Variants in STIM1 observed in about 807,000 individuals in gnomAD.
The protein encoded by STIM1 is stromal interaction molecule 1.
Under a neutral mutation model 74.7 loss-of-function variants are expected in STIM1, and 25 were observed. The observed-to-expected ratio is 0.33, with a 90% confidence interval of 0.24 to 0.47. The LOEUF is 0.47. Among genes scored for constraint, STIM1 ranks in the 20% least tolerant of loss-of-function variants. The probability of loss-of-function intolerance (pLI) is 1.00; values close to 1 mark genes in which losing one functional copy is unlikely to be tolerated. For synonymous variants in STIM1, 328 were observed against 348.8 expected (o/e 0.94, Z 0.66); for missense variants, 728 against 920.8 (o/e 0.79, Z 2.71).
intron 5 of STIM1, among the ~76,000 whole-genome samples, chr11:4,067,625 C>T (rs1440104622): frequency 2.0e-5 from 3 of 152,210 alleles, no homozygotes; most frequent in African/African-American, 7.2e-5. Flanking sequence ...TTAAACCCAG[C>T]TCTAGCAAGT....
At chr11:3,975,797 G>A (rs954403173) in intron 2 of STIM1, among the ~76,000 whole-genome samples, 1 of 152,120 alleles carries the variant, frequency 6.6e-6, no homozygotes, top group Non-Finnish European at 1.5e-5. Context: ...CCATAATGAG[G>A]TATCACCACA....
At chr11:3,959,408 T>G (rs11030404) in intron 1 of STIM1, among the ~76,000 whole-genome samples, 1 of 151,950 alleles carries the variant, frequency 6.6e-6, no homozygotes, top group Non-Finnish European at 1.5e-5. Flanking sequence ...TTGGGAGATA[T>G]GGTTTTTTAA....
At chr11:3,865,502 T>G (rs948246565) in intron 1 of STIM1, among the ~76,000 whole-genome samples, 2 of 152,224 alleles carry the variant, frequency 1.3e-5, no homozygotes, top group African/African-American at 4.8e-5. Context: ...AAATGTCAAG[T>G]GCTGCTTCTT....
At chr11:3,952,904 C>A (rs2093166606) in intron 1 of STIM1, among the ~76,000 whole-genome samples, 1 of 152,184 alleles carries the variant, frequency 6.6e-6, no homozygotes, top group South Asian at 2.1e-4. Context: ...CAAAGGGTAT[C>A]ATAACAGTTG....
chr11:4,011,496 T>C (rs2093835716), intron 2 of STIM1, among the ~76,000 whole-genome samples: 2 of 152,242 alleles, frequency 1.3e-5, no homozygotes, highest in African/African-American at 2.4e-5. Flanking sequence ...CATTTTTTCA[T>C]GTGTCTGTTG....
intron 5 of STIM1, among the ~76,000 whole-genome samples, chr11:4,065,249 T>C (rs1227245700): frequency 6.6e-6 from 1 of 152,178 alleles, no homozygotes; most frequent in Non-Finnish European, 1.5e-5. Flanking sequence ...TCTTCCTTCT[T>C]CATTGGCTCA....
chr11:3,935,836 C>A (rs143429059), intron 1 of STIM1, among the ~76,000 whole-genome samples: 339 of 152,338 alleles, frequency 2.2e-3, no homozygotes, highest in Non-Finnish European at 3.3e-3. Context: ...TAGCAGCAAT[C>A]ACAAGACAGA....
At chr11:4,062,385 T>G (rs1426389525) in intron 5 of STIM1, among the ~76,000 whole-genome samples, 2 of 152,166 alleles carry the variant, frequency 1.3e-5, no homozygotes, top group Non-Finnish European at 2.9e-5. Flanking sequence ...TTTGGGAGGC[T>G]GAGGTGGGCA....
chr11:3,862,558 A>G (rs1208237541), intron 1 of STIM1, among the ~76,000 whole-genome samples: 1 of 152,216 alleles, frequency 6.6e-6, no homozygotes, highest in Non-Finnish European at 1.5e-5. Flanking sequence ...CATATGCATC[A>G]GAATGACCGA....
chr11:4,032,669 A>G (rs1482070452), intron 3 of STIM1, among the ~76,000 whole-genome samples: 1 of 152,192 alleles, frequency 6.6e-6, no homozygotes, highest in African/African-American at 2.4e-5. Flanking sequence ...CTCTCCATTT[A>G]TTTAAGAGAT....
chr11:3,870,072 C>T (rs1171422742), intron 1 of STIM1, among the ~76,000 whole-genome samples: 1 of 152,046 alleles, frequency 6.6e-6, no homozygotes, highest in African/African-American at 2.4e-5. Flanking sequence ...AAGTGCTGGG[C>T]AAGGGGCTAC....
rs957375584 is a variant in STIM1, at chr11:3,978,241, C to A, written c.270+10559C>A. On this transcript the variant is annotated intron_variant, in intron 2 of 12. Transcript: ENST00000526596. ...TCGGCTTACCGCAACCTCCGCCTCCCAGGTTCAAGCGATTCTCCTGCCTCA... is the reference window on the plus strand; with the variant it reads ...TCGGCTTACCGCAACCTCCGCCTCCAAGGTTCAAGCGATTCTCCTGCCTCA... 4.0e-5 allele frequency among the ~76,000 whole-genome samples: 6 copies of A among 151,476 alleles called. 1 individual carries two copies. The highest frequency in any genetic ancestry group is 1.3e-4 in the Admixed American group (2 of 15,240).
At chr11:3,990,264 G>T (rs550017143) in intron 2 of STIM1, among the ~76,000 whole-genome samples, 233 of 152,144 alleles carry the variant, frequency 1.5e-3, no homozygotes, top group Non-Finnish European at 2.7e-3. Context: ...TTCTTTTCAT[G>T]GGCAAATAAT....
rs143270358 is a variant in STIM1, at chr11:3,955,519, G to A, written c.140-12033G>A. 3.8e-3 allele frequency among the ~76,000 whole-genome samples: 576 copies of A among 152,188 alleles called. 3 individuals carry two copies. Among genetic ancestry groups the A allele is most frequent in the African/African-American group, 0.013 (540 of 41,506 alleles). On this transcript the variant is annotated intron_variant, in intron 1 of 12. Coordinates refer to ENST00000526596, the MANE Select transcript of STIM1 (RefSeq NM_001382567.1). ...ACTGGAAAGGGGCAAGAAGGGTGGA[G>A]CCTTCCTGGAAATGTTCTATATTTT... is the stretch of plus-strand genomic sequence containing the variant.
At chr11:4,059,647 G>C (rs1011106407) in intron 5 of STIM1, among the ~76,000 whole-genome samples, 2 of 152,166 alleles carry the variant, frequency 1.3e-5, no homozygotes, top group Non-Finnish European at 2.9e-5. Context: ...AGGAAGACCT[G>C]GAATGAATCA....
chr11:3,866,521 G>A (rs951053042), intron 1 of STIM1, among the ~76,000 whole-genome samples: 1 of 151,702 alleles, frequency 6.6e-6, no homozygotes, highest in Admixed American at 6.6e-5. Flanking sequence ...CCGCCTCCTG[G>A]GTTCCGGTGA....
chr11:4,083,211 A>G (rs1025452302), intron 9 of STIM1, 52 bp from the exon 10 acceptor site: 16 of 1,569,834 alleles, frequency 1.0e-5, no homozygotes, highest in Admixed American at 5.0e-5. Context: ...CTTCATTCCT[A>G]TTGGGGCTCA....
At chr11:3,934,037 C>T (rs947296459) in intron 1 of STIM1, among the ~76,000 whole-genome samples, 2 of 152,134 alleles carry the variant, frequency 1.3e-5, no homozygotes, top group Admixed American at 6.5e-5. Flanking sequence ...CCCGTAGAAG[C>T]CCTGCCTCAT....
At chr11:4,016,172 C>T (rs191081882) in intron 2 of STIM1, among the ~76,000 whole-genome samples, 1,933 of 152,284 alleles carry the variant, frequency 0.013, 21 homozygotes, top group Admixed American at 0.023. Context: ...TTCTCCCCAT[C>T]TTTGTGGTTT....
Sources: allele counts gnomAD v4.1 joint callset (sites outside exome capture counted in the v4.1 genomes callset), GRCh38; gene constraint gnomAD v4.1.1; transcripts MANE v1.5; gene names NCBI Gene and HGNC (gene_info 2026-07-23, HGNC 2026-07-21).